TMEM132D: variants seen among roughly 807,000 people sequenced by gnomAD.
TMEM132D encodes mature OL transmembrane protein.
A neutral mutation model predicts 62.3 loss-of-function variants in TMEM132D; 21 were observed. The ratio of observed to expected loss-of-function variants is 0.34; its 90% CI spans 0.24 to 0.49. TMEM132D has a LOEUF of 0.49. Among genes scored for constraint, TMEM132D ranks in the 20% least tolerant of loss-of-function variants. The pLI is 0.99. For synonymous variants in TMEM132D, 621 were observed against 575.6 expected (o/e 1.08, Z -1.13); for missense variants, 1,346 against 1,402.8 (o/e 0.96, Z 0.65).
At chr12:129,225,298 C>T (rs1473067077) in intron 4 of TMEM132D, among the ~76,000 whole-genome samples, 2 of 152,232 alleles carry the variant, frequency 1.3e-5, no homozygotes, top group Non-Finnish European at 2.9e-5. Flanking sequence ...AACTCCTCAA[C>T]CAGCCTGGGA....
chr12:129,448,563 T>C (rs1873176201), intron 3 of TMEM132D, among the ~76,000 whole-genome samples: 1 of 152,242 alleles, frequency 6.6e-6, no homozygotes, highest in Non-Finnish European at 1.5e-5. Context: ...ATTCTCGTTC[T>C]TTTTCAAAGC....
At chr12:129,656,090 A>G (rs953952129) in intron 2 of TMEM132D, among the ~76,000 whole-genome samples, 5 of 152,176 alleles carry the variant, frequency 3.3e-5, no homozygotes, top group Admixed American at 6.5e-5. Flanking sequence ...CCCAACCATT[A>G]TTCACTTAGA....
intron 3 of TMEM132D, among the ~76,000 whole-genome samples, chr12:129,354,577 C>T (rs944160730): frequency 2.3e-4 from 35 of 152,152 alleles, no homozygotes; most frequent in Non-Finnish European, 4.4e-5. Flanking sequence ...CCACCTCAGC[C>T]TCCCAAAGTG....
chr12:129,084,749 T>G lies in TMEM132D; in HGVS notation c.1444-47A>C, dbSNP rs370621000. On this transcript the variant is annotated intron_variant, in intron 5 of 8. Coordinates refer to ENST00000422113, the MANE Select transcript of TMEM132D (RefSeq NM_133448.3). ...AAGGGGAGGGAAAGGTGAGCTTTCA[T>G]CCCGTTGCATGGCCCAAGGAGGAGG... is the stretch of plus-strand genomic sequence containing the variant. 8 of 1,585,448 alleles carry G rather than the reference T, an allele frequency of 5.0e-6. No individual in the cohort carries two copies. In the African/African-American group the frequency reaches 1.1e-4, roughly 21 times the overall value.
At chr12:129,480,539 T>C (rs1342047027) in intron 3 of TMEM132D, among the ~76,000 whole-genome samples, 1 of 152,196 alleles carries the variant, frequency 6.6e-6, no homozygotes, top group Non-Finnish European at 1.5e-5. Context: ...GGTAGAGCTT[T>C]GCAGCAATGC....
chr12:129,604,914 A>G (rs1878574571), intron 2 of TMEM132D, among the ~76,000 whole-genome samples: 1 of 152,224 alleles, frequency 6.6e-6, no homozygotes, highest in Non-Finnish European at 1.5e-5. Flanking sequence ...TAATTAAAAT[A>G]GCCTTGGCCT....
At chr12:129,492,863 G>T (rs1874841594) in intron 3 of TMEM132D, among the ~76,000 whole-genome samples, 1 of 152,176 alleles carries the variant, frequency 6.6e-6, no homozygotes, top group Non-Finnish European at 1.5e-5. Flanking sequence ...GGAGAGGCAT[G>T]TGATCCAAGC....
chr12:129,103,720 A>C (rs1239008602), intron 5 of TMEM132D, among the ~76,000 whole-genome samples: 1 of 152,158 alleles, frequency 6.6e-6, no homozygotes, highest in Non-Finnish European at 1.5e-5. Context: ...CTCCGTACAA[A>C]ATCACAAGCA....
chr12:129,698,558 GAA>G (rs1491204321), intron 2 of TMEM132D, among the ~76,000 whole-genome samples: 1 of 2,252 alleles, frequency 4.4e-4, no homozygotes, highest in African/African-American at 1.4e-3. Context: ...GGGGAGGGGA[GAA>G]GGGAGGGGAG....
At chr12:129,283,841 G>A (rs539410336) in intron 4 of TMEM132D, among the ~76,000 whole-genome samples, 16 of 152,290 alleles carry the variant, frequency 1.1e-4, no homozygotes, top group South Asian at 6.2e-4. Context: ...GACAGCCTCC[G>A]ACAATTCCTC....
intron 8 of TMEM132D, among the ~76,000 whole-genome samples, chr12:129,076,700 G>A (rs1248607179): frequency 6.6e-6 from 1 of 152,210 alleles, no homozygotes; most frequent in African/African-American, 2.4e-5. Context: ...GCACAACGGA[G>A]TTCTTGAAAC....
At chr12:129,464,128 C>T (rs1395777752) in intron 3 of TMEM132D, among the ~76,000 whole-genome samples, 1 of 148,984 alleles carries the variant, frequency 6.7e-6, no homozygotes. Flanking sequence ...ACATCCTCTC[C>T]AGCACCTCTT....
At chr12:129,395,220 G>A (rs1871389063) in intron 3 of TMEM132D, among the ~76,000 whole-genome samples, 1 of 152,188 alleles carries the variant, frequency 6.6e-6, no homozygotes, top group Admixed American at 6.5e-5. Flanking sequence ...CAGTATTAAG[G>A]ATAGCGAGAA....
At chr12:129,508,341 G>C (rs61945375) in intron 3 of TMEM132D, among the ~76,000 whole-genome samples, 11,931 of 152,192 alleles carry the variant, frequency 0.078, 556 homozygotes, top group South Asian at 0.18. Context: ...AATAAATGTG[G>C]TTCAACAGCA....
chr12:129,427,412 C>A (rs7305881), intron 3 of TMEM132D, among the ~76,000 whole-genome samples: 1 of 102,568 alleles, frequency 9.7e-6, no homozygotes. Flanking sequence ...GTTGTGGGGT[C>A]GGGGGAGGGG....
At chr12:129,386,876 C>T (rs1296155438) in intron 3 of TMEM132D, among the ~76,000 whole-genome samples, 2 of 151,728 alleles carry the variant, frequency 1.3e-5, no homozygotes, top group Admixed American at 6.6e-5. Flanking sequence ...AACAGTATCA[C>T]TAATCATAAT....
intron 1 of TMEM132D, among the ~76,000 whole-genome samples, chr12:129,895,961 CTCTTTTTTTTTTT>C: frequency 1.0e-5 from 1 of 99,806 alleles, no homozygotes; most frequent in Non-Finnish European, 2.2e-5. Context: ...TTCTCTGTCT[CTCTTTTTTTTTTT>C]TTTTTTTTTG....
At chr12:129,391,242 A>T (rs1268915658) in intron 3 of TMEM132D, among the ~76,000 whole-genome samples, 3 of 152,234 alleles carry the variant, frequency 2.0e-5, no homozygotes, top group African/African-American at 7.2e-5. Context: ...TGATCAACAG[A>T]TCACATTTAT....
At chr12:129,184,444 G>C (rs890123126) in intron 5 of TMEM132D, among the ~76,000 whole-genome samples, 1 of 152,210 alleles carries the variant, frequency 6.6e-6, no homozygotes, top group African/African-American at 2.4e-5. Context: ...CTGCCTACGG[G>C]ATGGGGTTGA....
Sources: gnomAD v4.1 joint callset for allele counts (sites outside exome capture counted in the v4.1 genomes callset) on GRCh38, gnomAD v4.1.1 for gene constraint, MANE v1.5 for transcripts, NCBI Gene and HGNC (gene_info 2026-07-23, HGNC 2026-07-21) for gene names.